UGGT2: variants seen among roughly 807,000 people sequenced by gnomAD.
The protein encoded by UGGT2 is UDP-glucose glycoprotein glucosyltransferase 2.
UGGT2 carries 180 observed loss-of-function variants against 192.1 expected under a neutral mutation model. The ratio of observed to expected loss-of-function variants is 0.94; its 90% CI spans 0.83 to 1.06. The LOEUF is 1.06. Ranked by LOEUF, UGGT2 falls within the 50% of genes least tolerant of loss-of-function variation. The probability of loss-of-function intolerance (pLI) is 0.00; values close to 1 mark genes in which losing one functional copy is unlikely to be tolerated. For synonymous variants in UGGT2, 580 were observed against 591.0 expected (o/e 0.98, Z 0.27); for missense variants, 1,849 against 1,795.7 (o/e 1.03, Z -0.54).
intron 9 of UGGT2, among the ~76,000 whole-genome samples, chr13:95,986,128 T>A (rs898799899): frequency 1.1e-4 from 14 of 131,342 alleles, no homozygotes; most frequent in African/African-American, 3.5e-4. Flanking sequence ...AGTTCTACCT[T>A]ACAGTGCATA....
chr13:95,854,492 G>A lies in UGGT2; in HGVS notation c.4009-17C>T. The A allele has an allele frequency of 6.3e-7, 1 of 1,587,792 alleles. No homozygotes were observed. Among genetic ancestry groups the A allele is most frequent in the Non-Finnish European group, 8.6e-7 (1 of 1,168,100 alleles). ...TCTCACAATCTAAATAATTAAAATA[G>A]ACTGTCTGATAAAGACTGTAAAATA... On this transcript the variant is annotated splice_polypyrimidine_tract_variant and intron_variant, in intron 34 of 38. Coordinates refer to ENST00000376747, the MANE Select transcript of UGGT2 (RefSeq NM_020121.4).
At chr13:95,920,660 G>C (rs541068343) in intron 20 of UGGT2, among the ~76,000 whole-genome samples, 1 of 152,154 alleles carries the variant, frequency 6.6e-6, no homozygotes, top group East Asian at 1.9e-4. Context: ...ACGCCAGTCA[G>C]AATGGCCATT....
At chr13:95,846,243 C>T (rs565953164) in intron 36 of UGGT2, among the ~76,000 whole-genome samples, 3 of 152,270 alleles carry the variant, frequency 2.0e-5, no homozygotes, top group Admixed American at 6.5e-5. Context: ...GCCGACACGG[C>T]GAAACCCCGT....
At position 95,869,202 on chromosome 13, in the gene UGGT2, A is replaced by G. The variant is rs1332918048; in HGVS notation, c.3474-1779T>C. Reference sequence around the variant, plus strand: ...GGTTTCCAGCTTCATCCATGTCCCTACAAAGGACATGAACTCATCATTTTT... The same window carrying G: ...GGTTTCCAGCTTCATCCATGTCCCTGCAAAGGACATGAACTCATCATTTTT... On this transcript the variant is annotated intron_variant, in intron 29 of 38. Coordinates refer to ENST00000376747, the MANE Select transcript of UGGT2 (RefSeq NM_020121.4). Among the ~76,000 whole-genome samples the G allele has an allele frequency of 5.3e-5, 8 of 151,970 alleles. No individual in the cohort carries two copies. The East Asian group carries it at 1.2e-3, about 22-fold the overall frequency.
intron 1 of UGGT2, among the ~76,000 whole-genome samples, chr13:96,052,620 A>C (rs1239927599): frequency 6.6e-6 from 1 of 152,222 alleles, no homozygotes; most frequent in Non-Finnish European, 1.5e-5. Flanking sequence ...GAACTTTCTA[A>C]TTTTACTCAA....
intron 38 of UGGT2, among the ~76,000 whole-genome samples, chr13:95,803,819 T>C (rs1282189674): frequency 6.6e-6 from 1 of 152,156 alleles, no homozygotes; most frequent in East Asian, 1.9e-4. Context: ...TTGTTAAATA[T>C]ATACAAACAG....
rs148286348 is a variant in UGGT2 at position 95,818,558 on chromosome 13, A to G, written c.4528+14369T>C. ...CTGGATGGGAAGTTGCAAAGGTACT[A>G]TGGAAGAGAAACATGTTAAGGGAAA... On this transcript the variant is annotated intron_variant, in intron 38 of 38. Transcript: ENST00000376747. 8.5e-5 allele frequency among the ~76,000 whole-genome samples: 13 copies of G among 152,296 alleles called. No homozygotes were observed. The East Asian group carries it at 2.3e-3, about 27-fold the overall frequency.
intron 36 of UGGT2, among the ~76,000 whole-genome samples, chr13:95,841,358 A>G (rs528968652): frequency 6.6e-6 from 1 of 152,324 alleles, no homozygotes; most frequent in African/African-American, 2.4e-5. Context: ...CTGGCAGGGA[A>G]GCGCAGCTAC....
At chr13:95,891,935 C>T (rs977195505) in intron 24 of UGGT2, among the ~76,000 whole-genome samples, 7 of 152,014 alleles carry the variant, frequency 4.6e-5, no homozygotes, top group African/African-American at 1.7e-4. Flanking sequence ...AGGCAGTTGA[C>T]GATTTAATTA....
intron 38 of UGGT2, among the ~76,000 whole-genome samples, chr13:95,803,984 C>T (rs1884185217): frequency 6.6e-6 from 1 of 151,786 alleles, no homozygotes; most frequent in African/African-American, 2.4e-5. Context: ...TAGAAAAAAT[C>T]CACGAAACCA....
chr13:95,813,429 G>A (rs60689318), intron 38 of UGGT2, among the ~76,000 whole-genome samples: 1,777 of 152,276 alleles, frequency 0.012, 41 homozygotes, highest in African/African-American at 0.039. Flanking sequence ...ACTTCAAAGC[G>A]ATGATTTAGG....
chr13:95,807,899 T>C (rs1884399151), intron 38 of UGGT2, among the ~76,000 whole-genome samples: 1 of 152,038 alleles, frequency 6.6e-6, no homozygotes, highest in Non-Finnish European at 1.5e-5. Context: ...TTCAATATTA[T>C]CATCCTTCCA....
chr13:95,809,574 G>A (rs894407694), intron 38 of UGGT2: 8 of 280,326 alleles, frequency 2.9e-5, no homozygotes, highest in Admixed American at 4.9e-5. Flanking sequence ...CTACTCCTTC[G>A]CTGTCCCTTC....
chr13:95,806,543 G>T (rs1884315321), intron 38 of UGGT2, among the ~76,000 whole-genome samples: 1 of 152,042 alleles, frequency 6.6e-6, no homozygotes, highest in Non-Finnish European at 1.5e-5. Flanking sequence ...ACTTTTTGCA[G>T]AAACAGAAAA....
chr13:95,996,874 T>TC (rs368640215), intron 6 of UGGT2, among the ~76,000 whole-genome samples: 6 of 152,270 alleles, frequency 3.9e-5, no homozygotes, highest in African/African-American at 1.4e-4. Context: ...TCTCAAAGAA[T>TC]AAAGATATAA....
chr13:96,022,520 T>TA (rs928742383), intron 4 of UGGT2, among the ~76,000 whole-genome samples: 2 of 151,594 alleles, frequency 1.3e-5, no homozygotes, highest in Admixed American at 6.6e-5. Context: ...CTTTCAAAAT[T>TA]AAAAAAACTA....
chr13:95,867,219 T>A, intron 30 of UGGT2, 120 bp downstream of exon 30: 1 of 878,454 alleles, frequency 1.1e-6, no homozygotes, highest in Non-Finnish European at 1.7e-6. Context: ...AGTTCAAATA[T>A]AACATTTTAG....
chr13:95,969,322 A>C (rs892329485), intron 12 of UGGT2, among the ~76,000 whole-genome samples: 10 of 152,224 alleles, frequency 6.6e-5, no homozygotes, highest in African/African-American at 2.2e-4. Flanking sequence ...TTTTCACATC[A>C]TTTTGCTCTA....
In UGGT2 at chr13:95,887,975, T is replaced by C. The variant is rs970291521; in HGVS notation, c.2959-4A>G. The stretch of plus-strand genomic sequence containing the variant: ...TGTTGATAATCTTGCCAAGTACCTA[T>C]TGGAAAGAAATTCCCATGTTTGATA... On this transcript the variant is annotated splice_polypyrimidine_tract_variant and splice_region_variant and intron_variant, in intron 25 of 38. Coordinates refer to ENST00000376747, the MANE Select transcript of UGGT2 (RefSeq NM_020121.4). 12 of 1,585,730 alleles carry C rather than the reference T, an allele frequency of 7.6e-6. No homozygotes were observed. Among genetic ancestry groups the C allele is most frequent in the African/African-American group, 1.3e-5 (1 of 74,290 alleles).
Sources: allele counts gnomAD v4.1 joint callset (sites outside exome capture counted in the v4.1 genomes callset), GRCh38; gene constraint gnomAD v4.1.1; transcripts MANE v1.5; gene names NCBI Gene and HGNC (gene_info 2026-07-23, HGNC 2026-07-21).